Variants in HS3ST4 observed in about 807,000 individuals in gnomAD.
The protein encoded by HS3ST4 is heparan sulfate glucosamine 3-O-sulfotransferase 4.
In HS3ST4, 17 loss-of-function variants were observed where a neutral mutation model predicts 29.2. That is an observed-to-expected ratio of 0.58 (90% CI 0.40 to 0.87). The LOEUF is 0.87. HS3ST4 is among the 40% of genes least tolerant of loss of function. HS3ST4 has a pLI of 0.00. For missense variants in HS3ST4, 627 were observed against 634.5 expected, an observed-to-expected ratio of 0.99 and a Z score of 0.13; for synonymous variants, 314 against 285.7, an observed-to-expected ratio of 1.10 and a Z score of -1.00.
At chr16:25,797,098 C>T (rs1035523701) in intron 1 of HS3ST4, among the ~76,000 whole-genome samples, 3 of 152,154 alleles carry the variant, frequency 2.0e-5, no homozygotes, top group Non-Finnish European at 2.9e-5. Context: ...ATTCTATAAA[C>T]GAAGTAACTG....
intron 1 of HS3ST4, among the ~76,000 whole-genome samples, chr16:26,093,090 C>T (rs1898877723): frequency 6.6e-6 from 1 of 152,186 alleles, no homozygotes; most frequent in African/African-American, 2.4e-5. Flanking sequence ...GGCCGGGAAG[C>T]TTGAACAGGG....
intron 1 of HS3ST4, among the ~76,000 whole-genome samples, chr16:26,102,310 C>A (rs1321636422): frequency 6.6e-6 from 1 of 151,946 alleles, no homozygotes; most frequent in Non-Finnish European, 1.5e-5. Flanking sequence ...ACATTTTCAC[C>A]CATGATCCCT....
At chr16:26,050,840 CCATT>C (rs1898333124) in intron 1 of HS3ST4, among the ~76,000 whole-genome samples, 1 of 152,126 alleles carries the variant, frequency 6.6e-6, no homozygotes, top group Non-Finnish European at 1.5e-5. Context: ...TTCAAAAGTG[CCATT>C]CAGAGAATCC....
In HS3ST4 at chr16:26,066,174, T is replaced by C. The variant is rs1349232975; in HGVS notation, c.735-69438T>C. Among the ~76,000 whole-genome samples the C allele has an allele frequency of 2.0e-5, 3 of 152,338 alleles. No individual in the cohort carries two copies. The East Asian group carries it at 5.8e-4, about 29-fold the overall frequency. On this transcript the variant is annotated intron_variant, in intron 1 of 1. Coordinates refer to ENST00000331351, the MANE Select transcript of HS3ST4 (RefSeq NM_006040.3). ...GAGACTTGCTTTGTAAGTGATTTGC[T>C]TACGACATGAACACCTGTATGTGGG... is the stretch of plus-strand genomic sequence containing the variant.
chr16:25,961,472 T>A (rs191429328), intron 1 of HS3ST4, among the ~76,000 whole-genome samples: 14 of 152,354 alleles, frequency 9.2e-5, no homozygotes, highest in African/African-American at 3.4e-4. Flanking sequence ...CATTCCTTTC[T>A]AAAAAGTGTA....
chr16:25,778,228 T>G (rs1470041413), intron 1 of HS3ST4, among the ~76,000 whole-genome samples: 1 of 152,238 alleles, frequency 6.6e-6, no homozygotes, highest in Non-Finnish European at 1.5e-5. Context: ...TAAGACCTAG[T>G]TGGCCTCACC....
At chr16:25,962,734 A>G (rs1332228470) in intron 1 of HS3ST4, among the ~76,000 whole-genome samples, 1 of 152,222 alleles carries the variant, frequency 6.6e-6, no homozygotes, top group Non-Finnish European at 1.5e-5. Flanking sequence ...GCCTGGAGTT[A>G]CACACTTTAT....
intron 1 of HS3ST4, among the ~76,000 whole-genome samples, chr16:25,761,284 T>C (rs1966787238): frequency 6.6e-6 from 1 of 152,216 alleles, no homozygotes; most frequent in South Asian, 2.1e-4. Flanking sequence ...CAATAGGACA[T>C]TCTGTGAGAT....
At chr16:25,725,920 G>A (rs570785159) in intron 1 of HS3ST4, among the ~76,000 whole-genome samples, 1 of 152,108 alleles carries the variant, frequency 6.6e-6, no homozygotes, top group Admixed American at 6.5e-5. Flanking sequence ...TTACAACAGT[G>A]GCTTTCAATT....
intron 1 of HS3ST4, among the ~76,000 whole-genome samples, chr16:25,705,196 CCT>C (rs1261435798): frequency 3.3e-5 from 5 of 152,170 alleles, no homozygotes; most frequent in Non-Finnish European, 5.9e-5. Flanking sequence ...ACGGGGGCCC[CCT>C]GTTTGACTTT....
chr16:26,036,013 GTCTC>G, intron 1 of HS3ST4, among the ~76,000 whole-genome samples: 1 of 152,316 alleles, frequency 6.6e-6, no homozygotes, highest in South Asian at 2.1e-4. Context: ...TTCACTGAAA[GTCTC>G]TCTCTCCAAG....
chr16:25,924,155 G>T (rs1278178545), intron 1 of HS3ST4, among the ~76,000 whole-genome samples: 2 of 152,066 alleles, frequency 1.3e-5, no homozygotes, highest in African/African-American at 4.8e-5. Context: ...TGATGTAAAC[G>T]GCCGTTTAGT....
At chr16:26,044,253 C>G (rs904591061) in intron 1 of HS3ST4, among the ~76,000 whole-genome samples, 3 of 152,190 alleles carry the variant, frequency 2.0e-5, no homozygotes, top group African/African-American at 7.2e-5. Context: ...TTACTTGATT[C>G]TGCAAGAGCT....
intron 1 of HS3ST4, among the ~76,000 whole-genome samples, chr16:25,852,679 C>G (rs1249658414): frequency 6.6e-6 from 1 of 151,640 alleles, no homozygotes; most frequent in Non-Finnish European, 1.5e-5. Context: ...TGTTACTTGT[C>G]TCTAGCTTCC....
chr16:26,076,658 A>G (rs773982610), intron 1 of HS3ST4, among the ~76,000 whole-genome samples: 5 of 152,170 alleles, frequency 3.3e-5, no homozygotes, highest in Admixed American at 6.5e-5. Context: ...AACTGGGAAA[A>G]TCCTGCCATG....
In HS3ST4 at chr16:26,109,350, G is replaced by A. The variant is rs140260937; in HGVS notation, c.735-26262G>A. ...CACGCACACAATCTTTTCTGCATGT[G>A]CGTGAGTCTCGATTACAGGCAGTTG... On this transcript the variant is annotated intron_variant, in intron 1 of 1. Coordinates refer to ENST00000331351, the MANE Select transcript of HS3ST4 (RefSeq NM_006040.3). Among the ~76,000 whole-genome samples, 483 of 152,266 alleles carry A rather than the reference G, an allele frequency of 3.2e-3. 6 individuals are homozygous for A. The highest frequency in any genetic ancestry group is 0.011 in the African/African-American group (466 of 41,546).
At chr16:25,868,276 A>G (rs1271769650) in intron 1 of HS3ST4, among the ~76,000 whole-genome samples, 1 of 152,132 alleles carries the variant, frequency 6.6e-6, no homozygotes, top group Non-Finnish European at 1.5e-5. Context: ...TGGCGGCTGC[A>G]GCGACTTCTA....
chr16:25,914,571 ATGTGG>A (rs1161281224), intron 1 of HS3ST4, among the ~76,000 whole-genome samples: 1 of 141,134 alleles, frequency 7.1e-6, no homozygotes, highest in Admixed American at 7.2e-5. Context: ...ATGTGGTTGG[ATGTGG>A]TGTCTGTGGG....
intron 1 of HS3ST4, among the ~76,000 whole-genome samples, chr16:25,800,178 T>A (rs1210593863): frequency 6.6e-6 from 1 of 152,062 alleles, no homozygotes; most frequent in Non-Finnish European, 1.5e-5. Context: ...ATTATTTTTC[T>A]TAATGCTGTT....
Sources: gnomAD v4.1 joint callset for allele counts (sites outside exome capture counted in the v4.1 genomes callset) on GRCh38, gnomAD v4.1.1 for gene constraint, MANE v1.5 for transcripts, NCBI Gene and HGNC (gene_info 2026-07-23, HGNC 2026-07-21) for gene names.